Variants in ADAMTSL1 observed in about 807,000 individuals in gnomAD.
ADAMTSL1 encodes the protein ADAMTS-like protein 1.
Under a neutral mutation model 201.8 loss-of-function variants are expected in ADAMTSL1, and 126 were observed. The observed-to-expected ratio is 0.62, with a 90% confidence interval of 0.54 to 0.72. The LOEUF is 0.72. Ranked by LOEUF, ADAMTSL1 falls within the 30% of genes least tolerant of loss-of-function variation. The probability of loss-of-function intolerance (pLI) is 0.00; values close to 1 mark genes in which losing one functional copy is unlikely to be tolerated. For missense variants in ADAMTSL1, 2,679 were observed against 2,277.8 expected (o/e 1.18, Z -3.59); for synonymous variants, 1,121 against 903.4 (o/e 1.24, Z -4.32).
At chr9:18,040,817 T>C (rs1170800491) in intron 1 of ADAMTSL1, among the ~76,000 whole-genome samples, 1 of 152,280 alleles carries the variant, frequency 6.6e-6, no homozygotes, top group Non-Finnish European at 1.5e-5. Context: ...GGAGTTATAA[T>C]TTCTATTCAT....
rs57023892 is a variant in ADAMTSL1, at chr9:18,219,343, TTTTATTTATTTA to T, written c.207+55394_207+55405del. Among the ~76,000 whole-genome samples, 574 of 145,470 alleles carry T rather than the reference TTTTATTTATTTA, an allele frequency of 3.9e-3. 3 individuals are homozygous for T. Among genetic ancestry groups the T allele is most frequent in the Admixed American group, 8.0e-3 (116 of 14,558 alleles). ...AATCCAATATATATTTACATTTTAT[TTTTATTTATTTA>T]TTTATTTATTTATTTATTTATTTAT... is the stretch of plus-strand genomic sequence containing the variant. On this transcript the variant is annotated intron_variant, in intron 2 of 29. Transcript: ENST00000680146.
At chr9:18,008,270 T>G (rs535741512) in intron 1 of ADAMTSL1, among the ~76,000 whole-genome samples, 1 of 152,132 alleles carries the variant, frequency 6.6e-6, no homozygotes, top group South Asian at 2.1e-4. Flanking sequence ...GAATTGAGAT[T>G]TCCACATTGT....
chr9:17,923,105 G>A (rs140108471), intron 1 of ADAMTSL1, among the ~76,000 whole-genome samples: 1,682 of 152,216 alleles, frequency 0.011, 26 homozygotes, highest in African/African-American at 0.039. Context: ...TTTGGCTTAG[G>A]ATTGACTTGG....
At chr9:18,641,010 G>A (rs1241059541) in intron 7 of ADAMTSL1, among the ~76,000 whole-genome samples, 1 of 151,934 alleles carries the variant, frequency 6.6e-6, no homozygotes, top group East Asian at 1.9e-4. Context: ...CTGCTACTCT[G>A]GTTTAGCTGG....
intron 1 of ADAMTSL1, among the ~76,000 whole-genome samples, chr9:18,078,074 G>A (rs537888192): frequency 2.6e-5 from 4 of 152,190 alleles, no homozygotes; most frequent in African/African-American, 4.8e-5. Context: ...AGAATAGTGA[G>A]CAAACAAGCC....
intron 26 of ADAMTSL1, among the ~76,000 whole-genome samples, chr9:18,899,412 A>G (rs1187407706): frequency 6.6e-6 from 1 of 152,220 alleles, no homozygotes; most frequent in African/African-American, 2.4e-5. Flanking sequence ...CCATTAAACT[A>G]CCATTGACAT....
At chr9:17,975,864 T>C (rs570532128) in intron 1 of ADAMTSL1, among the ~76,000 whole-genome samples, 1 of 152,160 alleles carries the variant, frequency 6.6e-6, no homozygotes, top group Non-Finnish European at 1.5e-5. Context: ...GTTCTGATAT[T>C]TAACTGTTTA....
intron 23 of ADAMTSL1, among the ~76,000 whole-genome samples, chr9:18,868,600 A>C (rs945843786): frequency 6.6e-6 from 1 of 152,166 alleles, no homozygotes. Flanking sequence ...TCAGAACTCA[A>C]AGGCCTTCCA....
At chr9:18,082,687 C>G (rs1010118819) in intron 1 of ADAMTSL1, among the ~76,000 whole-genome samples, 2 of 152,136 alleles carry the variant, frequency 1.3e-5, no homozygotes, top group Admixed American at 1.3e-4. Flanking sequence ...GCCGTAGGCT[C>G]AAGCAAATGT....
chr9:18,130,886 C>G (rs1394415492), intron 1 of ADAMTSL1, among the ~76,000 whole-genome samples: 1 of 152,116 alleles, frequency 6.6e-6, no homozygotes, highest in Non-Finnish European at 1.5e-5. Flanking sequence ...AAGTATCCAT[C>G]ATCAACTTTT....
At chr9:17,987,002 A>C (rs76077756) in intron 1 of ADAMTSL1, among the ~76,000 whole-genome samples, 168 of 152,272 alleles carry the variant, frequency 1.1e-3, no homozygotes, top group African/African-American at 3.8e-3. Context: ...AATTAAGTAC[A>C]GATTTACAGC....
intron 1 of ADAMTSL1, among the ~76,000 whole-genome samples, chr9:18,030,192 A>T (rs545910920): frequency 6.6e-6 from 1 of 152,238 alleles, no homozygotes; most frequent in African/African-American, 2.4e-5. Flanking sequence ...TGTGGCACAT[A>T]TACACCATGG....
chr9:17,986,201 G>A (rs1303706515), intron 1 of ADAMTSL1, among the ~76,000 whole-genome samples: 1 of 152,034 alleles, frequency 6.6e-6, no homozygotes, highest in Non-Finnish European at 1.5e-5. Flanking sequence ...ATATTAGAAT[G>A]CCAGTCCCGT....
chr9:18,523,789 C>A (rs1818857920), intron 2 of ADAMTSL1, among the ~76,000 whole-genome samples: 3 of 139,574 alleles, frequency 2.1e-5, no homozygotes, highest in Admixed American at 1.5e-4. Context: ...CTGTTCTGTT[C>A]CATTGATCTA....
intron 23 of ADAMTSL1, among the ~76,000 whole-genome samples, chr9:18,844,674 G>A (rs905627112): frequency 6.6e-6 from 1 of 152,226 alleles, no homozygotes; most frequent in African/African-American, 2.4e-5. Flanking sequence ...GCCTCCTTGA[G>A]CTGTGGTGGG....
intron 23 of ADAMTSL1, among the ~76,000 whole-genome samples, chr9:18,856,460 A>ATTTTTTTTTTTTT (rs398010404): frequency 8.9e-6 from 1 of 112,014 alleles, no homozygotes; most frequent in Non-Finnish European, 1.7e-5. Flanking sequence ...GATAAGAAGG[A>ATTTTTTTTTTTTT]TTTTTTTTTT....
At chr9:18,080,197 G>A (rs1424393942) in intron 1 of ADAMTSL1, among the ~76,000 whole-genome samples, 1 of 152,140 alleles carries the variant, frequency 6.6e-6, no homozygotes, top group Non-Finnish European at 1.5e-5. Flanking sequence ...TGAACCAGAA[G>A]GAAAAGTCCT....
At chr9:18,168,461 T>C (rs1299823548) in intron 2 of ADAMTSL1, among the ~76,000 whole-genome samples, 1 of 152,030 alleles carries the variant, frequency 6.6e-6, no homozygotes, top group African/African-American at 2.4e-5. Context: ...GAACTCATCA[T>C]TTTTTATGGC....
In ADAMTSL1 at chr9:18,706,868, G is replaced by C. The variant is rs527660968; in HGVS notation, c.1696G>C (p.Glu566Gln). The stretch of plus-strand genomic sequence containing the variant: ...GTCCGTGGCTGACCTGCCTATTGAC[G>C]AGTGTGAAGGGCCCAAGCCAGCATC... ...SQSVADLPID[E>Q]CEGPKPASQR... Residue 566 changes from glutamate to glutamine, a missense_variant, in exon 14 of 29, where the codon GAG (glutamate) becomes CAG (glutamine). Transcript: ENST00000380548. The C allele has an allele frequency of 1.9e-6, 3 of 1,613,616 alleles. No individual in the cohort carries two copies. The highest frequency in any genetic ancestry group is 2.7e-5 in the African/African-American group (2 of 74,924).
Sources: allele counts gnomAD v4.1 joint callset (sites outside exome capture counted in the v4.1 genomes callset), GRCh38; gene constraint gnomAD v4.1.1; transcripts MANE v1.5; gene names NCBI Gene and HGNC (gene_info 2026-07-23, HGNC 2026-07-21).